Variants in RNF217 observed in about 807,000 individuals in gnomAD.
RNF217 encodes the protein ring finger protein 217, also known as E3 ubiquitin-protein ligase RNF217.
RNF217 carries 31 observed loss-of-function variants against 57.8 expected under a neutral mutation model. That is an observed-to-expected ratio of 0.54 (90% CI 0.40 to 0.72). The LOEUF is 0.72. RNF217 is among the 30% of genes least tolerant of loss of function. The probability of loss-of-function intolerance (pLI) is 0.00; values close to 1 mark genes in which losing one functional copy is unlikely to be tolerated. For synonymous variants in RNF217, 313 were observed against 294.0 expected (o/e 1.06, Z -0.66); for missense variants, 696 against 708.3 (o/e 0.98, Z 0.20).
intron 1 of RNF217, among the ~76,000 whole-genome samples, chr6:125,007,875 C>T (rs559254993): frequency 5.3e-4 from 80 of 152,188 alleles, no homozygotes; most frequent in African/African-American, 1.7e-3. Context: ...TACATATATA[C>T]CTCTTATAAA....
chr6:125,025,618 T>C (rs1191024826), intron 1 of RNF217, among the ~76,000 whole-genome samples: 1 of 143,980 alleles, frequency 6.9e-6, no homozygotes, highest in Non-Finnish European at 1.5e-5. Flanking sequence ...TGTACTCCCT[T>C]ATGAGTGGGG....
rs561327718 is a variant in RNF217, at chr6:125,021,566, G to GA, written c.883-23641dup. On this transcript the variant is annotated intron_variant, in intron 1 of 5. Coordinates refer to ENST00000521654, the MANE Select transcript of RNF217 (RefSeq NM_001286398.3). ...AGGCGTGAGCCACTGCACCCGGCCA[G>GA]AAAATGCTTACCTTATGTTACATGG... Among the ~76,000 whole-genome samples, 96 of 152,130 alleles carry GA rather than the reference G, an allele frequency of 6.3e-4. 1 individual carries two copies. Among genetic ancestry groups the GA allele is most frequent in the African/African-American group, 2.0e-3 (82 of 41,534 alleles).
At chr6:125,027,989 G>C (rs949466077) in intron 1 of RNF217, among the ~76,000 whole-genome samples, 1 of 151,926 alleles carries the variant, frequency 6.6e-6, no homozygotes. Flanking sequence ...ATTTTTTCCT[G>C]TAGGGTTGTT....
At position 125,010,856 on chromosome 6, in the gene RNF217, A is replaced by G. The variant is rs1031963395; in HGVS notation, c.883-34355A>G. ...GAATGATCTAAGGTCTGCCAGCTCC[A>G]AAGTCCAGCCCTCCCAGGTCTACCA... On this transcript the variant is annotated intron_variant, in intron 1 of 5. Coordinates refer to ENST00000521654, the MANE Select transcript of RNF217 (RefSeq NM_001286398.3). Among the ~76,000 whole-genome samples, 3 of 152,182 alleles carry G rather than the reference A, an allele frequency of 2.0e-5. No individual in the cohort carries two copies. In the East Asian group the frequency reaches 5.8e-4, roughly 29 times the overall value.
At chr6:124,969,714 C>T (rs1783690608) in intron 1 of RNF217, among the ~76,000 whole-genome samples, 1 of 151,952 alleles carries the variant, frequency 6.6e-6, no homozygotes, top group South Asian at 2.1e-4. Context: ...ATTTAAAGCT[C>T]CTGACTTCAT....
Position 125,058,073 on chromosome 6 carries a change from G to T in RNF217, c.1248G>T (p.Gly416=), listed in dbSNP as rs548525558. The T allele has an allele frequency of 6.2e-7, 1 of 1,613,426 alleles. No homozygotes were observed. Among genetic ancestry groups the T allele is most frequent in the South Asian group, 1.1e-5 (1 of 90,978 alleles). Reference sequence around the variant, plus strand: ...ACTGGGCCAGCGAAATTGAGCATGGGCAGAGGAATGCCCAGAAGTGTCCAA... The same window carrying T: ...ACTGGGCCAGCGAAATTGAGCATGGTCAGAGGAATGCCCAGAAGTGTCCAA... The part of the protein sequence containing the change: ...LRHWASEIEH[G]QRNAQKCPKC... The change falls in exon 3 of 6, where the codon GGG becomes GGT. Residue 416 remains glycine (G), a synonymous_variant. Transcript: ENST00000521654.
intron 1 of RNF217, among the ~76,000 whole-genome samples, chr6:125,015,462 G>A (rs1562468892): frequency 6.6e-6 from 1 of 151,974 alleles, no homozygotes; most frequent in African/African-American, 2.4e-5. Flanking sequence ...AACTCTAAAC[G>A]CTGAATGGTA....
At chr6:125,007,676 CTG>C (rs1785242322) in intron 1 of RNF217, among the ~76,000 whole-genome samples, 1 of 152,170 alleles carries the variant, frequency 6.6e-6, no homozygotes, top group Admixed American at 6.5e-5. Flanking sequence ...TTGTTCTTAA[CTG>C]TGGTTTGCAC....
rs1363708148 is a variant in RNF217, at chr6:125,091,505, T to C, written c.*8568T>C. On this transcript the variant is annotated 3_prime_UTR_variant, in exon 6 of 6. Transcript: ENST00000521654. ...CTAAAACAGGTTAGCCAATGTATTT[T>C]TCTTAAATTCATTGTTCATTTTTAA... is the stretch of plus-strand genomic sequence containing the variant. 6.6e-6 allele frequency: 1 copy of C among 152,126 alleles called. No individual in the cohort carries two copies. Among genetic ancestry groups the C allele is most frequent in the African/African-American group, 2.4e-5 (1 of 41,460 alleles). 9.4% of individuals were successfully genotyped at this position (152,126 alleles called of 1,614,324 possible). A position where few individuals can be genotyped will look rare whatever the true frequency, so the allele number is the denominator to read the frequency against.
At chr6:125,036,807 A>G (rs1786642712) in intron 1 of RNF217, among the ~76,000 whole-genome samples, 1 of 151,656 alleles carries the variant, frequency 6.6e-6, no homozygotes, top group African/African-American at 2.4e-5. Flanking sequence ...CAAAACCACA[A>G]TGAGATACCA....
chr6:125,062,663 G>A (rs566684847), intron 3 of RNF217, among the ~76,000 whole-genome samples: 4 of 151,890 alleles, frequency 2.6e-5, no homozygotes, highest in African/African-American at 4.8e-5. Flanking sequence ...TGCAACCTTC[G>A]TCTCCCGGGC....
chr6:125,034,182 A>G (rs1786495524), intron 1 of RNF217, among the ~76,000 whole-genome samples: 1 of 152,184 alleles, frequency 6.6e-6, no homozygotes, highest in South Asian at 2.1e-4. Context: ...TTTGCTGTGC[A>G]GAAGCTCTTT....
rs1293112316 is a variant in RNF217 at position 125,084,409 on chromosome 6, A to G, written c.*1472A>G. On this transcript the variant is annotated 3_prime_UTR_variant, in exon 6 of 6. Transcript: ENST00000521654. ...CACAAAAGTTCATCAGCAAACAGGA[A>G]AAAAAAAGACCCCTAAAAAGCCTAA... 1 of 151,798 alleles carries G rather than the reference A, an allele frequency of 6.6e-6. No homozygotes were observed. The highest frequency in any genetic ancestry group is 1.5e-5 in the Non-Finnish European group (1 of 67,838). 9.4% of individuals were successfully genotyped at this position (151,798 alleles called of 1,614,324 possible). A position where few individuals can be genotyped will look rare whatever the true frequency, so the allele number is the denominator to read the frequency against.
intron 1 of RNF217, among the ~76,000 whole-genome samples, chr6:125,013,320 A>T (rs934287633): frequency 6.6e-6 from 1 of 150,384 alleles, no homozygotes; most frequent in Non-Finnish European, 1.5e-5. Flanking sequence ...AATAGGCCAA[A>T]AAGAAAGGTA....
rs1783373675 is a variant in RNF217, at chr6:124,963,217, C to T, written c.673C>T (p.Leu225=). The part of the protein sequence containing the change: ...SLSPDGGSIE[L]EFYLAPEPFS... The stretch of plus-strand genomic sequence containing the variant: ...CTCCCCCGACGGCGGCAGCATCGAG[C>T]TGGAGTTCTACCTGGCGCCCGAGCC... The change falls in exon 1 of 6, where the codon CTG becomes TTG. Residue 225 remains leucine (L), a synonymous_variant. Coordinates refer to ENST00000521654, the MANE Select transcript of RNF217 (RefSeq NM_001286398.3). 4.6e-6 allele frequency: 7 copies of T among 1,535,996 alleles called. No individual in the cohort carries two copies. In the East Asian group the frequency reaches 7.3e-5, roughly 16 times the overall value.
intron 3 of RNF217, among the ~76,000 whole-genome samples, chr6:125,076,185 A>C (rs1453528346): frequency 6.6e-6 from 1 of 152,192 alleles, no homozygotes; most frequent in Non-Finnish European, 1.5e-5. Flanking sequence ...AATTTCCTTC[A>C]ACAAAGAGAC....
At chr6:125,008,614 A>G (rs1785286999) in intron 1 of RNF217, 1 of 152,160 alleles carries the variant, frequency 6.6e-6, no homozygotes, top group Admixed American at 6.5e-5. Context: ...CTGCAAATGT[A>G]GCAGCCTTCC....
chr6:124,993,594 G>A (rs555059768), intron 1 of RNF217, among the ~76,000 whole-genome samples: 1 of 152,208 alleles, frequency 6.6e-6, no homozygotes, highest in South Asian at 2.1e-4. Context: ...TTAAGTCAGG[G>A]AATTGTAGCC....
At chr6:125,077,629 T>C (rs1788428849) in intron 4 of RNF217, among the ~76,000 whole-genome samples, 1 of 152,170 alleles carries the variant, frequency 6.6e-6, no homozygotes, top group East Asian at 1.9e-4. Flanking sequence ...GCGGAATATT[T>C]CTTCTTCTGC....
Sources: gnomAD v4.1 joint callset for allele counts (sites outside exome capture counted in the v4.1 genomes callset) on GRCh38, gnomAD v4.1.1 for gene constraint, MANE v1.5 for transcripts, NCBI Gene and HGNC (gene_info 2026-07-23, HGNC 2026-07-21) for gene names.